Variants in AOX1 observed in about 807,000 individuals in gnomAD.
AOX1 encodes aldehyde oxidase 1.
AOX1 carries 153 observed loss-of-function variants against 169.5 expected under a neutral mutation model. The observed-to-expected ratio is 0.90, with a 90% CI of 0.79 to 1.03. The LOEUF (loss-of-function observed/expected upper bound fraction) is 1.03. Among genes scored for constraint, AOX1 ranks in the 50% least tolerant of loss-of-function variants. AOX1 has a pLI of 0.00. For missense variants in AOX1, 1,656 were observed against 1,663.9 expected (o/e 1.00, Z 0.08); for synonymous variants, 562 against 581.9 (o/e 0.97, Z 0.49).
intron 19 of AOX1, among the ~76,000 whole-genome samples, chr2:200,624,474 T>C (rs1219174248): frequency 1.3e-5 from 2 of 151,958 alleles, no homozygotes; most frequent in Non-Finnish European, 2.9e-5. Flanking sequence ...CTGAGCCCTG[T>C]TTGGAAAGGG....
intron 12 of AOX1, among the ~76,000 whole-genome samples, chr2:200,609,644 C>T (rs2034592863): frequency 6.6e-6 from 1 of 152,124 alleles, no homozygotes; most frequent in Non-Finnish European, 1.5e-5. Flanking sequence ...TCATACTGGT[C>T]ACCCTACACT....
At chr2:200,629,617 T>C (rs2035073524) in intron 20 of AOX1, among the ~76,000 whole-genome samples, 1 of 152,170 alleles carries the variant, frequency 6.6e-6, no homozygotes, top group Non-Finnish European at 1.5e-5. Flanking sequence ...TTCTTAGGGC[T>C]AGTAAAATGT....
At chr2:200,599,098 A>G (rs961789705) in intron 4 of AOX1, among the ~76,000 whole-genome samples, 4 of 152,198 alleles carry the variant, frequency 2.6e-5, no homozygotes, top group African/African-American at 9.6e-5. Flanking sequence ...TGAACCTTAG[A>G]AGTTAGACTC....
chr2:200,669,657 G>A lies in AOX1; in HGVS notation c.3881G>A (p.Arg1294Lys). 6.2e-7 allele frequency: 1 copy of A among 1,614,010 alleles called. No individual in the cohort carries two copies. Among genetic ancestry groups the A allele is most frequent in the Non-Finnish European group, 8.5e-7 (1 of 1,180,004 alleles). ...HDAVSAARQE[R>K]GLHGPLTLNS... ...GCAGTGAGTGCAGCACGACAGGAGAGAGGCCTGCATGGACCCTTGACCCTT... is the reference window on the plus strand; with the variant it reads ...GCAGTGAGTGCAGCACGACAGGAGAAAGGCCTGCATGGACCCTTGACCCTT... Residue 1294 changes from arginine (R) to lysine (K), a missense_variant, in exon 34 of 35, where the codon AGA (arginine) becomes AAA (lysine). Coordinates refer to ENST00000374700, the MANE Select transcript of AOX1 (RefSeq NM_001159.4).
chr2:200,666,780 C>A, intron 32 of AOX1, 28 bp downstream of exon 32: 1 of 1,581,018 alleles, frequency 6.3e-7, no homozygotes, highest in Non-Finnish European at 8.6e-7. Flanking sequence ...GTCTCACTTT[C>A]TATTTGTAAA....
At chr2:200,657,195 T>A (rs1217581751) in intron 27 of AOX1, among the ~76,000 whole-genome samples, 51 of 125,470 alleles carry the variant, frequency 4.1e-4, no homozygotes, top group Middle Eastern at 4.1e-3. Context: ...TATATATTTT[T>A]TTTTTTTTTT....
rs748188728 is a variant in AOX1, at chr2:200,620,683, A to G, written c.1738A>G (p.Ile580Val). 2.1e-5 allele frequency: 33 copies of G among 1,566,856 alleles called. No individual in the cohort carries two copies. The highest frequency in any genetic ancestry group is 4.7e-5 in the East Asian group (2 of 42,818). The change falls in exon 17 of 35, where the codon ATT (isoleucine) becomes GTT (valine). Residue 580 changes from isoleucine to valine, a missense_variant. Physicochemically the swap from Ile to Val is conservative, Grantham distance 29. Coordinates refer to ENST00000374700, the MANE Select transcript of AOX1 (RefSeq NM_001159.4). ...IGPKQHPEDPIGHPIMHLSGV... is the reference protein window; with the variant it reads ...IGPKQHPEDPVGHPIMHLSGV... ...CCCAAAGCAGCATCCTGAAGACCCA[A>G]TTGGCCACCCCATCATGCATCTGTC...
intron 1 of AOX1, among the ~76,000 whole-genome samples, chr2:200,589,500 CG>C (rs1379635196): frequency 6.6e-6 from 1 of 152,138 alleles, no homozygotes; most frequent in East Asian, 1.9e-4. Context: ...TCTGGGGCCT[CG>C]GGCAAGGTAC....
intron 20 of AOX1, among the ~76,000 whole-genome samples, chr2:200,633,787 A>G (rs184251199): frequency 2.0e-5 from 3 of 152,262 alleles, no homozygotes; most frequent in African/African-American, 4.8e-5. Flanking sequence ...GACATTTTAG[A>G]TATTATGTAA....
intron 32 of AOX1, among the ~76,000 whole-genome samples, 165 bp downstream of exon 32, chr2:200,666,917 G>A (rs1325220693): frequency 2.6e-5 from 4 of 152,146 alleles, no homozygotes; most frequent in Admixed American, 1.3e-4. Flanking sequence ...CTGTTTAAAA[G>A]GGGGAAGGAA....
In AOX1 at chr2:200,636,946, C is replaced by T. The variant is rs2035245497; in HGVS notation, c.2382C>T (p.Asn794=). 1.9e-6 allele frequency: 3 copies of T among 1,614,044 alleles called. No individual in the cohort carries two copies. The highest frequency in any genetic ancestry group is 1.3e-5 in the African/African-American group (1 of 75,036). Residue 794 remains asparagine (N), a synonymous_variant, in exon 22 of 35, where the codon AAC becomes AAT. Coordinates refer to ENST00000374700, the MANE Select transcript of AOX1 (RefSeq NM_001159.4). The part of the protein sequence containing the change: ...IVASTLKLPA[N]KVMCHVRRVG... ...CCTCAACCTTGAAGCTCCCAGCTAA[C>T]AAGGTCATGTGCCATGTAAGGCGTG... is the stretch of plus-strand genomic sequence containing the variant.
intron 14 of AOX1, among the ~76,000 whole-genome samples, chr2:200,612,999 T>TGC (rs768235287): frequency 2.3e-3 from 269 of 115,074 alleles, no homozygotes; most frequent in Non-Finnish European, 4.2e-3. Context: ...ATATACTCTG[T>TGC]GTGCGTGTGT....
intron 25 of AOX1, among the ~76,000 whole-genome samples, chr2:200,643,410 T>TAC (rs1559252370): frequency 2.2e-4 from 33 of 151,614 alleles, no homozygotes; most frequent in African/African-American, 8.0e-4. Context: ...TATATATATA[T>TAC]ATACATACAT....
At chr2:200,598,880 G>A (rs1306342117) in intron 4 of AOX1, among the ~76,000 whole-genome samples, 1 of 152,196 alleles carries the variant, frequency 6.6e-6, no homozygotes, top group Non-Finnish European at 1.5e-5. Flanking sequence ...AGGAATCTTG[G>A]ATTCTGTTTA....
At chr2:200,607,179 T>C (rs1425461719) in intron 10 of AOX1, among the ~76,000 whole-genome samples, 1 of 152,354 alleles carries the variant, frequency 6.6e-6, no homozygotes, top group East Asian at 1.9e-4. Context: ...TTATTGAAAG[T>C]TTTTAACATG....
intron 9 of AOX1, among the ~76,000 whole-genome samples, chr2:200,605,176 T>C (rs2034490048): frequency 6.6e-6 from 1 of 152,200 alleles, no homozygotes; most frequent in South Asian, 2.1e-4. Context: ...TTGCTCTTTG[T>C]TTCCTCTCTC....
chr2:200,628,312 T>C (rs565028398), intron 20 of AOX1, among the ~76,000 whole-genome samples: 1 of 152,332 alleles, frequency 6.6e-6, no homozygotes, highest in East Asian at 1.9e-4. Context: ...TAAACATAGT[T>C]ATCAAAATCA....
chr2:200,626,008 T>C (rs907411543), intron 19 of AOX1, among the ~76,000 whole-genome samples: 1 of 152,220 alleles, frequency 6.6e-6, no homozygotes, highest in Non-Finnish European at 1.5e-5. Context: ...CCTACCGGAA[T>C]CTGTCCTGAA....
chr2:200,632,886 T>TTTTC (rs575729169), intron 20 of AOX1, among the ~76,000 whole-genome samples: 136 of 151,856 alleles, frequency 9.0e-4, no homozygotes, highest in Non-Finnish European at 1.4e-3. Context: ...GTGCTTTTTT[T>TTTTC]TTTCTTTCTT....
Sources: allele counts gnomAD v4.1 joint callset (sites outside exome capture counted in the v4.1 genomes callset), GRCh38; gene constraint gnomAD v4.1.1; transcripts MANE v1.5; gene names NCBI Gene and HGNC (gene_info 2026-07-23, HGNC 2026-07-21).